RANBP2: variants seen among roughly 807,000 people sequenced by gnomAD.
RANBP2 encodes RAN binding protein 2.
RANBP2 carries 57 observed loss-of-function variants against 303.6 expected under a neutral mutation model. The ratio of observed to expected loss-of-function variants is 0.19; its 90% CI spans 0.15 to 0.23. The LOEUF is 0.23. RANBP2 is among the 10% of genes least tolerant of loss of function. The pLI is 1.00. For missense variants in RANBP2, 3,138 were observed against 3,780.8 expected, an observed-to-expected ratio of 0.83 and a Z score of 4.46; for synonymous variants, 1,167 against 1,301.5, an observed-to-expected ratio of 0.90 and a Z score of 2.23.
At chr2:109,371,264 C>T in the RANBP2 span, among the ~76,000 whole-genome samples, 3 of 152,222 alleles carry the variant, frequency 2.0e-5, no homozygotes, top group Non-Finnish European at 2.9e-5. Context: ...GTGGCACACG[C>T]CTGTAATCCC....
chr2:109,660,918 A>C, the RANBP2 span, among the ~76,000 whole-genome samples: 4 of 152,090 alleles, frequency 2.6e-5, no homozygotes, highest in African/African-American at 9.7e-5. Context: ...TTTCTCCTGA[A>C]TTATCTCTAC....
the RANBP2 span, among the ~76,000 whole-genome samples, chr2:109,626,163 C>T: frequency 6.6e-6 from 1 of 152,162 alleles, no homozygotes; most frequent in Non-Finnish European, 1.5e-5. Context: ...TTGACAGTAA[C>T]ATCTAGATGA....
the RANBP2 span, among the ~76,000 whole-genome samples, chr2:109,695,898 G>C: frequency 6.6e-6 from 1 of 151,926 alleles, no homozygotes; most frequent in African/African-American, 2.4e-5. Flanking sequence ...GATTTGGGGG[G>C]AACTTCTCTT....
the RANBP2 span, among the ~76,000 whole-genome samples, chr2:109,335,812 G>A: frequency 3.9e-5 from 6 of 152,226 alleles, no homozygotes; most frequent in Admixed American, 2.6e-4. Flanking sequence ...TACCTTACGC[G>A]GCTGTAGAGA....
At chr2:109,226,123 A>G in the RANBP2 span, among the ~76,000 whole-genome samples, 1 of 152,222 alleles carries the variant, frequency 6.6e-6, no homozygotes, top group African/African-American at 2.4e-5. Flanking sequence ...TTTTAGGAGG[A>G]AATGTCAGAG....
the RANBP2 span, among the ~76,000 whole-genome samples, chr2:109,334,747 G>A: frequency 6.6e-6 from 1 of 151,428 alleles, no homozygotes; most frequent in Non-Finnish European, 1.5e-5. Context: ...GAGGCGATGG[G>A]CCACAGAGGC....
At chr2:109,068,809 G>A in the RANBP2 span, among the ~76,000 whole-genome samples, 1 of 152,202 alleles carries the variant, frequency 6.6e-6, no homozygotes, top group African/African-American at 2.4e-5. Context: ...CTGGCAAGCT[G>A]GTGAGATAAG....
chr2:109,038,764 A>G, the RANBP2 span, among the ~76,000 whole-genome samples: 1 of 152,234 alleles, frequency 6.6e-6, no homozygotes, highest in African/African-American at 2.4e-5. Flanking sequence ...CTGATTTCCA[A>G]AGTAGCACCA....
chr2:108,793,053 C>G, the RANBP2 span, among the ~76,000 whole-genome samples: 2 of 136,900 alleles, frequency 1.5e-5, no homozygotes, highest in African/African-American at 2.8e-5. Context: ...GACAGAGAGA[C>G]TCTGTCTCAA....
At chr2:108,927,622 T>C in the RANBP2 span, among the ~76,000 whole-genome samples, 1 of 151,766 alleles carries the variant, frequency 6.6e-6, no homozygotes, top group East Asian at 1.9e-4. Flanking sequence ...CTCCCTGCAG[T>C]AGGAATTTGC....
the RANBP2 span, chr2:109,449,364 A>C: frequency 6.2e-7 from 1 of 1,609,746 alleles, no homozygotes; most frequent in Non-Finnish European, 8.5e-7. Context: ...AGCATCAGCC[A>C]TCACACCTCC....
At chr2:108,965,381 T>C in the RANBP2 span, among the ~76,000 whole-genome samples, 3 of 148,954 alleles carry the variant, frequency 2.0e-5, no homozygotes, top group African/African-American at 5.0e-5. Flanking sequence ...CTCGGGAGGC[T>C]GAGGCAGGAG....
chr2:109,544,250 GT>G, the RANBP2 span: 25 of 1,596,846 alleles, frequency 1.6e-5, no homozygotes, highest in South Asian at 4.4e-5. Flanking sequence ...CACACTTCTA[GT>G]TTTTTTTTAA....
intron 17 of RANBP2, among the ~76,000 whole-genome samples, chr2:108,755,785 G>GC (rs1676265430): frequency 6.6e-6 from 1 of 151,720 alleles, no homozygotes; most frequent in Non-Finnish European, 1.5e-5. Context: ...GTGCAGTGGT[G>GC]CGATCTTGGC....
chr2:108,856,221 C>T, the RANBP2 span, among the ~76,000 whole-genome samples: 2,814 of 152,234 alleles, frequency 0.018, 100 homozygotes, highest in African/African-American at 0.066. Flanking sequence ...CAGCACTGGC[C>T]TGGGTAAAAT....
the RANBP2 span, among the ~76,000 whole-genome samples, chr2:109,119,292 C>A: frequency 1.3e-5 from 2 of 152,260 alleles, no homozygotes; most frequent in Admixed American, 1.3e-4. Context: ...AGGAAGGGAC[C>A]ACCATCATCC....
At chr2:109,080,377 A>T in the RANBP2 span, among the ~76,000 whole-genome samples, 2 of 152,118 alleles carry the variant, frequency 1.3e-5, no homozygotes, top group Non-Finnish European at 2.9e-5. Flanking sequence ...AAGGACTGGA[A>T]GGTGCTGGAG....
At chr2:109,147,393 G>A in the RANBP2 span, among the ~76,000 whole-genome samples, 1 of 152,184 alleles carries the variant, frequency 6.6e-6, no homozygotes, top group Non-Finnish European at 1.5e-5. Context: ...CCAGATGAAA[G>A]ATAGTTGTTG....
chr2:109,650,649 T>C, the RANBP2 span, among the ~76,000 whole-genome samples: 2 of 152,152 alleles, frequency 1.3e-5, no homozygotes, highest in Non-Finnish European at 2.9e-5. Flanking sequence ...CATTGAATCA[T>C]GGGCGGAGCT....
Sources: gnomAD v4.1 joint callset for allele counts (sites outside exome capture counted in the v4.1 genomes callset) on GRCh38, gnomAD v4.1.1 for gene constraint, MANE v1.5 for transcripts, NCBI Gene and HGNC (gene_info 2026-07-23, HGNC 2026-07-21) for gene names.